EPC2: variants seen among roughly 807,000 people sequenced by gnomAD.
The protein encoded by EPC2 is enhancer of polycomb 2.
In EPC2, 14 loss-of-function variants were observed where a neutral mutation model predicts 92.1. The ratio of observed to expected loss-of-function variants is 0.15; its 90% CI spans 0.10 to 0.24. EPC2 has a LOEUF of 0.24. Ranked by LOEUF, EPC2 falls within the 10% of genes least tolerant of loss-of-function variation. The pLI is 1.00. For synonymous variants in EPC2, 340 were observed against 334.7 expected (o/e 1.02, Z -0.17); for missense variants, 755 against 971.5 (o/e 0.78, Z 2.96).
intron 2 of EPC2, among the ~76,000 whole-genome samples, chr2:148,709,998 G>C (rs1311685996): frequency 6.6e-6 from 1 of 151,442 alleles, no homozygotes; most frequent in Non-Finnish European, 1.5e-5. Flanking sequence ...TTGACAAATG[G>C]GATCTAATTA....
chr2:148,756,096 T>C (rs751277295), intron 4 of EPC2, among the ~76,000 whole-genome samples: 1 of 152,238 alleles, frequency 6.6e-6, no homozygotes, highest in Non-Finnish European at 1.5e-5. Flanking sequence ...GCTTCTTTTG[T>C]TCTAACCATT....
intron 2 of EPC2, among the ~76,000 whole-genome samples, chr2:148,730,768 A>G (rs954497899): frequency 5.3e-5 from 8 of 152,204 alleles, no homozygotes; most frequent in Non-Finnish European, 1.2e-4. Flanking sequence ...CTTAGTTCAT[A>G]TGTCTACCTA....
intron 2 of EPC2, among the ~76,000 whole-genome samples, chr2:148,704,032 C>T (rs1392337475): frequency 6.6e-6 from 1 of 152,092 alleles, no homozygotes; most frequent in East Asian, 1.9e-4. Context: ...ACCATGTGGT[C>T]CAGCAATTCC....
chr2:148,652,126 T>C (rs754014915), intron 1 of EPC2, among the ~76,000 whole-genome samples: 3 of 152,198 alleles, frequency 2.0e-5, no homozygotes, highest in Non-Finnish European at 4.4e-5. Flanking sequence ...TTGCATCAGG[T>C]ATCTACCTCT....
At chr2:148,670,785 C>T (rs980550925) in intron 1 of EPC2, among the ~76,000 whole-genome samples, 1 of 152,082 alleles carries the variant, frequency 6.6e-6, no homozygotes, top group African/African-American at 2.4e-5. Flanking sequence ...ATTTCTGCAG[C>T]CTCAACTTCC....
chr2:148,704,806 G>A (rs1220731209), intron 2 of EPC2, among the ~76,000 whole-genome samples: 1 of 152,100 alleles, frequency 6.6e-6, no homozygotes, highest in Non-Finnish European at 1.5e-5. Flanking sequence ...TGCATATTGT[G>A]GCCACGGAAA....
chr2:148,730,746 A>G (rs1220364142), intron 2 of EPC2, among the ~76,000 whole-genome samples: 3 of 152,188 alleles, frequency 2.0e-5, no homozygotes, highest in African/African-American at 7.2e-5. Flanking sequence ...ATATGGTTTT[A>G]TTTAAATACT....
intron 2 of EPC2, among the ~76,000 whole-genome samples, chr2:148,735,756 A>T (rs936649636): frequency 4.0e-5 from 6 of 151,884 alleles, no homozygotes; most frequent in Non-Finnish European, 8.8e-5. Flanking sequence ...ATATCATATC[A>T]CTCCTTAAAA....
At chr2:148,716,683 G>A (rs1682268658) in intron 2 of EPC2, among the ~76,000 whole-genome samples, 3 of 152,166 alleles carry the variant, frequency 2.0e-5, no homozygotes, top group African/African-American at 7.2e-5. Context: ...GTTCACCAAA[G>A]ATGTTGGCCT....
intron 1 of EPC2, among the ~76,000 whole-genome samples, chr2:148,672,481 C>G (rs1181132860): frequency 1.3e-5 from 2 of 151,932 alleles, no homozygotes; most frequent in Non-Finnish European, 2.9e-5. Context: ...ACTTTTATTT[C>G]TTTCATTAAT....
chr2:148,704,858 C>T (rs1681960827), intron 2 of EPC2, among the ~76,000 whole-genome samples: 1 of 151,906 alleles, frequency 6.6e-6, no homozygotes, highest in South Asian at 2.1e-4. Flanking sequence ...CCAGCTATGT[C>T]CTGGTGACAT....
intron 1 of EPC2, 109 bp downstream of exon 1, chr2:148,645,279 C>T: frequency 3.0e-6 from 3 of 1,002,346 alleles, no homozygotes; most frequent in Non-Finnish European, 4.4e-6. Flanking sequence ...GGCGCCGCTG[C>T]CGCTCTAACG....
chr2:148,728,925 G>T (rs951607008), intron 2 of EPC2, among the ~76,000 whole-genome samples: 1 of 151,022 alleles, frequency 6.6e-6, no homozygotes, highest in Non-Finnish European at 1.5e-5. Flanking sequence ...CCAGCTACTC[G>T]GGAGGCTGAG....
chr2:148,683,627 G>A (rs910085761), intron 1 of EPC2, among the ~76,000 whole-genome samples: 1 of 151,966 alleles, frequency 6.6e-6, no homozygotes, highest in African/African-American at 2.4e-5. Flanking sequence ...AAATAATAAC[G>A]TGATGTTTGG....
Position 148,786,486 on chromosome 2 carries a change from A to C in EPC2, c.*109A>C. 3 of 826,870 alleles carry C rather than the reference A, an allele frequency of 3.6e-6. No individual in the cohort carries two copies. The highest frequency in any genetic ancestry group is 6.0e-6 in the Non-Finnish European group (3 of 502,184). The allele number at this position is 826,870 out of a possible 1,614,324, so 51.2% of individuals were successfully genotyped here. On this transcript the variant is annotated 3_prime_UTR_variant, in exon 14 of 14. Coordinates refer to ENST00000258484, the MANE Select transcript of EPC2 (RefSeq NM_015630.4). ...TCACAGAGTGTAACAATGGACCTAA[A>C]TGGACTATAGTATATTGGATGTTAA...
chr2:148,781,135 G>A (rs1254536250), intron 10 of EPC2, among the ~76,000 whole-genome samples: 1 of 152,138 alleles, frequency 6.6e-6, no homozygotes, highest in African/African-American at 2.4e-5. Context: ...TTGTGGTTAT[G>A]TTAGATGAAT....
At chr2:148,769,721 G>C (rs1683479478) in intron 8 of EPC2, among the ~76,000 whole-genome samples, 1 of 152,014 alleles carries the variant, frequency 6.6e-6, no homozygotes, top group African/African-American at 2.4e-5. Context: ...ATAACTTTTT[G>C]ACACACCTAG....
chr2:148,649,266 C>T (rs1325691591), intron 1 of EPC2, among the ~76,000 whole-genome samples: 2 of 152,138 alleles, frequency 1.3e-5, no homozygotes, highest in African/African-American at 4.8e-5. Flanking sequence ...TGAATTTTGA[C>T]AAATGCATAC....
chr2:148,672,660 A>G (rs1165458892), intron 1 of EPC2, among the ~76,000 whole-genome samples: 2 of 152,156 alleles, frequency 1.3e-5, no homozygotes, highest in African/African-American at 2.4e-5. Context: ...TGTGTTTTGT[A>G]TGCATTAACA....
Sources: gnomAD v4.1 joint callset for allele counts (sites outside exome capture counted in the v4.1 genomes callset) on GRCh38, gnomAD v4.1.1 for gene constraint, MANE v1.5 for transcripts, NCBI Gene and HGNC (gene_info 2026-07-23, HGNC 2026-07-21) for gene names.